Variants in LIPC observed in about 807,000 individuals in gnomAD.
LIPC encodes lipase C, hepatic type.
Under a neutral mutation model 50.7 loss-of-function variants are expected in LIPC, and 44 were observed. The ratio of observed to expected loss-of-function variants is 0.87; its 90% confidence interval spans 0.68 to 1.11. The LOEUF is 1.11. LIPC is among the 50% of genes most tolerant of loss of function. The probability of loss-of-function intolerance (pLI) is 0.00; values close to 1 mark genes in which losing one functional copy is unlikely to be tolerated. For synonymous variants in LIPC, 271 were observed against 256.4 expected (o/e 1.06, Z -0.54); for missense variants, 697 against 648.2 (o/e 1.08, Z -0.82).
chr15:58,464,609 A>G (rs542221880), intron 1 of LIPC, among the ~76,000 whole-genome samples: 26 of 152,172 alleles, frequency 1.7e-4, no homozygotes, highest in African/African-American at 4.8e-4. Context: ...CTCACCTTCA[A>G]CTTCTTGGGA....
At chr15:58,459,401 CT>C (rs3052238) in intron 1 of LIPC, among the ~76,000 whole-genome samples, 99 of 145,752 alleles carry the variant, frequency 6.8e-4, no homozygotes, top group East Asian at 6.0e-4. Flanking sequence ...TTTTTTCTTT[CT>C]TTTTTTTTTT....
At chr15:58,437,594 G>A (rs549366160) in intron 1 of LIPC, among the ~76,000 whole-genome samples, 51 of 152,056 alleles carry the variant, frequency 3.4e-4, no homozygotes, top group African/African-American at 6.5e-4. Context: ...ATCCCAAGAC[G>A]ACCCCCGGGA....
Position 58,568,871 on chromosome 15 carries a change from C to T in LIPC, c.*44C>T. On this transcript the variant is annotated 3_prime_UTR_variant, in exon 9 of 9. Transcript: ENST00000299022. ...TGTAAAGAATAAATGAATCTTACTC[C>T]TTATCTGGAATGGCTGCCTTATTTA... 1 of 1,153,038 alleles carries T rather than the reference C, an allele frequency of 8.7e-7. No homozygotes were observed. Among genetic ancestry groups the T allele is most frequent in the Non-Finnish European group, 1.3e-6 (1 of 791,350 alleles). 71.4% of individuals were successfully genotyped at this position (1,153,038 alleles called of 1,614,324 possible).
intron 8 of LIPC, among the ~76,000 whole-genome samples, chr15:58,566,972 GTACCTACCT>G (rs1280323444): frequency 6.6e-6 from 1 of 151,956 alleles, no homozygotes; most frequent in Non-Finnish European, 1.5e-5. Flanking sequence ...CGTTTAGTGA[GTACCTACCT>G]TATGCCAGAC....
chr15:58,544,318 A>G (rs1169441417), intron 4 of LIPC, among the ~76,000 whole-genome samples: 1 of 148,978 alleles, frequency 6.7e-6, no homozygotes, highest in East Asian at 2.0e-4. Context: ...AAAGCTCAAC[A>G]CCCTCTTGCC....
chr15:58,548,771 G>A (rs1239186112), intron 6 of LIPC, among the ~76,000 whole-genome samples, 199 bp downstream of exon 6: 1 of 152,200 alleles, frequency 6.6e-6, no homozygotes, highest in Non-Finnish European at 1.5e-5. Flanking sequence ...GCCGCCAAGG[G>A]CTAGGAGGAG....
chr15:58,489,628 C>A (rs1217784644), intron 1 of LIPC, among the ~76,000 whole-genome samples: 1 of 152,154 alleles, frequency 6.6e-6, no homozygotes, highest in African/African-American at 2.4e-5. Context: ...CCATCTTAGG[C>A]TCTACAATAG....
At chr15:58,508,746 C>T (rs927314535) in intron 1 of LIPC, among the ~76,000 whole-genome samples, 3 of 152,154 alleles carry the variant, frequency 2.0e-5, no homozygotes, top group Non-Finnish European at 4.4e-5. Flanking sequence ...ACACCTTTTC[C>T]TCCGCATTCA....
At chr15:58,437,209 T>C (rs539983759) in intron 1 of LIPC, among the ~76,000 whole-genome samples, 33 of 152,258 alleles carry the variant, frequency 2.2e-4, no homozygotes, top group African/African-American at 7.2e-4. Flanking sequence ...CCAAGAGTCG[T>C]TGAGCCTCCT....
chr15:58,498,670 C>G (rs1891862736), intron 1 of LIPC: 2 of 152,152 alleles, frequency 1.3e-5, no homozygotes, highest in Non-Finnish European at 2.9e-5. Flanking sequence ...TGCTTACTCC[C>G]CAGCAGCTGA....
intron 6 of LIPC, among the ~76,000 whole-genome samples, chr15:58,551,827 GT>G (rs1283077937): frequency 6.6e-6 from 1 of 152,222 alleles, no homozygotes; most frequent in Non-Finnish European, 1.5e-5. Flanking sequence ...CCTGATTGTA[GT>G]TTCACAAAGG....
At chr15:58,531,369 A>G (rs7164116) in intron 1 of LIPC, among the ~76,000 whole-genome samples, 4,429 of 152,236 alleles carry the variant, frequency 0.029, 212 homozygotes, top group African/African-American at 0.1. Flanking sequence ...AGCAAGCCCC[A>G]CTTTCCCCAG....
At chr15:58,538,145 C>G (rs1334008937) in intron 1 of LIPC, among the ~76,000 whole-genome samples, 188 bp from the exon 2 acceptor site, 2 of 152,188 alleles carry the variant, frequency 1.3e-5, no homozygotes, top group Non-Finnish European at 2.9e-5. Flanking sequence ...TCCTAGGCCA[C>G]CCTCCATCAC....
chr15:58,484,049 C>A (rs1406668154), intron 1 of LIPC, among the ~76,000 whole-genome samples: 1 of 152,146 alleles, frequency 6.6e-6, no homozygotes, highest in African/African-American at 2.4e-5. Context: ...AGTGTTCAGT[C>A]TTTCCAAAAA....
At chr15:58,454,528 T>C (rs1467504092) in intron 1 of LIPC, 1 of 152,246 alleles carries the variant, frequency 6.6e-6, no homozygotes, top group Non-Finnish European at 1.5e-5. Context: ...CAGGAAGCCA[T>C]CTGTGCCTTC....
At chr15:58,544,205 C>T (rs548340598) in intron 4 of LIPC, among the ~76,000 whole-genome samples, 1 of 152,092 alleles carries the variant, frequency 6.6e-6, no homozygotes, top group African/African-American at 2.4e-5. Flanking sequence ...CCACACCCAG[C>T]GAGGCAGCCT....
At chr15:58,450,445 AT>A (rs1289647471) in intron 1 of LIPC, among the ~76,000 whole-genome samples, 1 of 152,224 alleles carries the variant, frequency 6.6e-6, no homozygotes, top group Non-Finnish European at 1.5e-5. Context: ...TTAGAGACCA[AT>A]CATGGGAGAG....
At chr15:58,562,756 C>G (rs555517440) in intron 7 of LIPC, among the ~76,000 whole-genome samples, 21 of 152,020 alleles carry the variant, frequency 1.4e-4, no homozygotes, top group African/African-American at 4.8e-4. Flanking sequence ...GATTCCTAAA[C>G]AATTCTTCAC....
intron 1 of LIPC, among the ~76,000 whole-genome samples, chr15:58,467,895 G>A (rs185782098): frequency 1.6e-4 from 25 of 152,302 alleles, no homozygotes; most frequent in South Asian, 8.3e-4. Context: ...ACTGCACAGC[G>A]GTTGAGAGCT....
Sources: allele counts gnomAD v4.1 joint callset (sites outside exome capture counted in the v4.1 genomes callset), GRCh38; gene constraint gnomAD v4.1.1; transcripts MANE v1.5; gene names NCBI Gene and HGNC (gene_info 2026-07-23, HGNC 2026-07-21).